PRKN: variants seen among roughly 807,000 people sequenced by gnomAD.
PRKN encodes the protein parkin RBR E3 ubiquitin protein ligase.
In PRKN, 56 loss-of-function variants were observed where a neutral mutation model predicts 59.5. The ratio of observed to expected loss-of-function variants is 0.94; its 90% CI spans 0.76 to 1.18. The LOEUF is 1.18. Among genes scored for constraint, PRKN ranks in the 50% most tolerant of loss-of-function variants. The probability of loss-of-function intolerance (pLI) is 0.00; values close to 1 mark genes in which losing one functional copy is unlikely to be tolerated. For synonymous variants in PRKN, 250 were observed against 222.1 expected, an observed-to-expected ratio of 1.13 and a Z score of -1.12; for missense variants, 657 against 596.4, an observed-to-expected ratio of 1.10 and a Z score of -1.06.
At chr6:162,220,799 T>C (rs933715179) in intron 3 of PRKN, among the ~76,000 whole-genome samples, 4 of 152,214 alleles carry the variant, frequency 2.6e-5, no homozygotes, top group Non-Finnish European at 5.9e-5. Context: ...ACTTACCGAA[T>C]GACTGAAATT....
At chr6:161,933,054 C>T (rs1779224706) in intron 6 of PRKN, among the ~76,000 whole-genome samples, 1 of 152,062 alleles carries the variant, frequency 6.6e-6, no homozygotes, top group South Asian at 2.1e-4. Context: ...CGGAGGCAGG[C>T]GGATCACCTG....
At chr6:162,484,331 T>TC (rs1792446017) in intron 1 of PRKN, among the ~76,000 whole-genome samples, 5 of 152,154 alleles carry the variant, frequency 3.3e-5, no homozygotes, top group Admixed American at 3.3e-4. Flanking sequence ...CAGGAAGACC[T>TC]CTTCAGGAAT....
intron 9 of PRKN, among the ~76,000 whole-genome samples, chr6:161,476,067 G>C (rs973778239): frequency 6.6e-6 from 1 of 151,654 alleles, no homozygotes; most frequent in African/African-American, 2.4e-5. Flanking sequence ...GGCGCCTGTA[G>C]TCCCAGCTAC....
At chr6:162,381,643 G>A (rs540725693) in intron 2 of PRKN, among the ~76,000 whole-genome samples, 3 of 152,124 alleles carry the variant, frequency 2.0e-5, no homozygotes, top group Admixed American at 6.5e-5. Context: ...ACTATCTCTG[G>A]TAAATGCTAT....
intron 7 of PRKN, among the ~76,000 whole-genome samples, chr6:161,722,539 A>G (rs1787268643): frequency 6.6e-6 from 1 of 152,190 alleles, no homozygotes. Flanking sequence ...TTCTTAGGAT[A>G]AATTTCTAAC....
chr6:162,274,928 A>G (rs940551676), intron 2 of PRKN: 1 of 151,898 alleles, frequency 6.6e-6, no homozygotes, highest in Non-Finnish European at 1.5e-5. Context: ...AAAAATACAA[A>G]AAATTAGCCG....
intron 9 of PRKN, among the ~76,000 whole-genome samples, chr6:161,524,691 A>G (rs1179805413): frequency 1.3e-5 from 2 of 152,170 alleles, no homozygotes; most frequent in African/African-American, 2.4e-5. Flanking sequence ...ATCTGCTTGC[A>G]TAGCATATAA....
rs1398580592 is a variant in PRKN, at chr6:161,462,310, C to T, written c.1084-75433G>A. ...CTTTTATTCTGAATCACCTGAACTT[C>T]CAGCTATCTGTGGTTTATAAGCTGG... On this transcript the variant is annotated intron_variant, in intron 9 of 11. Transcript: ENST00000366898. The surrounding 1 kb of genome is among the most constrained non-coding windows in gnomAD (Gnocchi z 4.5). Among the ~76,000 whole-genome samples, 1 of 152,172 alleles carries T rather than the reference C, an allele frequency of 6.6e-6. No individual in the cohort carries two copies. The highest frequency in any genetic ancestry group is 1.5e-5 in the Non-Finnish European group (1 of 68,028).
chr6:162,202,529 T>C (rs1337661711), intron 3 of PRKN, among the ~76,000 whole-genome samples: 1 of 152,208 alleles, frequency 6.6e-6, no homozygotes, highest in Non-Finnish European at 1.5e-5. Context: ...AAATGGAAGA[T>C]AAAATGTAAA....
chr6:162,481,700 T>C (rs1792317962), intron 1 of PRKN, among the ~76,000 whole-genome samples: 2 of 151,748 alleles, frequency 1.3e-5, no homozygotes, highest in African/African-American at 2.4e-5. Context: ...GATCATACCA[T>C]TGATTAACTA....
chr6:161,573,193 T>C (rs1400769571), intron 7 of PRKN, among the ~76,000 whole-genome samples: 1 of 152,158 alleles, frequency 6.6e-6, no homozygotes, highest in African/African-American at 2.4e-5. Flanking sequence ...GATGGAACAT[T>C]TGAATCTGGG....
Position 161,530,694 on chromosome 6 carries a change from T to C in PRKN, c.1083+18160A>G, listed in dbSNP as rs1779171268. Among the ~76,000 whole-genome samples the C allele has an allele frequency of 6.6e-6, 1 of 151,926 alleles. No homozygotes were observed. Among genetic ancestry groups the C allele is most frequent in the Non-Finnish European group, 1.5e-5 (1 of 68,002 alleles). On this transcript the variant is annotated intron_variant, in intron 9 of 11. Coordinates refer to ENST00000366898, the MANE Select transcript of PRKN (RefSeq NM_004562.3). The surrounding 1 kb of genome is among the most constrained non-coding windows in gnomAD (Gnocchi z 5.0). The stretch of plus-strand genomic sequence containing the variant: ...CCACGCCTGGCTAATTTTTTTCTAT[T>C]TTTAGTGGAGACGGGGTTTCTCTAT...
intron 7 of PRKN, among the ~76,000 whole-genome samples, chr6:161,735,458 G>A (rs537882658): frequency 4.5e-4 from 69 of 152,214 alleles, no homozygotes; most frequent in African/African-American, 1.6e-3. Context: ...ATCCACAATA[G>A]GTGTTAGTCG....
intron 1 of PRKN, among the ~76,000 whole-genome samples, chr6:162,701,520 T>C (rs1459051985): frequency 6.6e-6 from 1 of 151,604 alleles, no homozygotes; most frequent in Non-Finnish European, 1.5e-5. Context: ...ATTAACCCTA[T>C]AACAACAGTA....
At chr6:161,749,757 C>T (rs1788597197) in intron 7 of PRKN, among the ~76,000 whole-genome samples, 1 of 152,032 alleles carries the variant, frequency 6.6e-6, no homozygotes, top group Non-Finnish European at 1.5e-5. Flanking sequence ...CATCAGGACT[C>T]CCCTGGCGAG....
intron 2 of PRKN, among the ~76,000 whole-genome samples, chr6:162,374,401 T>C (rs944678079): frequency 2.0e-5 from 3 of 151,826 alleles, no homozygotes; most frequent in African/African-American, 7.2e-5. Flanking sequence ...TTTTTTTTTT[T>C]TTTTAAGTTT....
intron 7 of PRKN, among the ~76,000 whole-genome samples, chr6:161,619,447 AC>A (rs1178379846): frequency 2.0e-5 from 3 of 151,976 alleles, no homozygotes; most frequent in African/African-American, 7.3e-5. Context: ...TACACTATAA[AC>A]TTTTCATATG....
chr6:162,127,604 A>G (rs746572989), intron 4 of PRKN, among the ~76,000 whole-genome samples: 21 of 152,218 alleles, frequency 1.4e-4, no homozygotes, highest in Non-Finnish European at 2.2e-4. Context: ...ATCAAATGAG[A>G]AAAGAAACAT....
intron 4 of PRKN, among the ~76,000 whole-genome samples, chr6:162,060,573 CTA>C (rs1351162486): frequency 2.0e-5 from 3 of 152,184 alleles, no homozygotes; most frequent in Non-Finnish European, 4.4e-5. Flanking sequence ...GCCATTTTGG[CTA>C]TGTCTTTCAA....
Sources: allele counts gnomAD v4.1 joint callset (sites outside exome capture counted in the v4.1 genomes callset), GRCh38; gene constraint gnomAD v4.1.1; non-coding constraint Gnocchi (gnomAD v3.1); transcripts MANE v1.5; gene names NCBI Gene and HGNC (gene_info 2026-07-23, HGNC 2026-07-21).